RAB38: variants seen among roughly 807,000 people sequenced by gnomAD.
RAB38 encodes the protein RAB38, member RAS oncogene family.
A neutral mutation model predicts 18.4 loss-of-function variants in RAB38; 15 were observed. The observed-to-expected ratio is 0.82, with a 90% confidence interval of 0.55 to 1.26. The LOEUF (loss-of-function observed/expected upper bound fraction) is 1.26, where lower values mean the gene tolerates loss of function less well. RAB38 is among the 50% of genes most tolerant of loss of function. The pLI, the probability that RAB38 is intolerant of heterozygous loss-of-function variation, is 0.00. For missense variants in RAB38, 294 were observed against 267.4 expected (o/e 1.10, Z -0.69); for synonymous variants, 101 against 104.4 (o/e 0.97, Z 0.20).
At chr11:88,072,449 A>G in the RAB38 span, among the ~76,000 whole-genome samples, 1 of 152,226 alleles carries the variant, frequency 6.6e-6, no homozygotes, top group Non-Finnish European at 1.5e-5. Flanking sequence ...GATACTATCA[A>G]TGGTTTTATG....
At chr11:88,018,885 C>T in the RAB38 span, among the ~76,000 whole-genome samples, 1 of 152,096 alleles carries the variant, frequency 6.6e-6, no homozygotes, top group African/African-American at 2.4e-5. Flanking sequence ...GGAACCCCCA[C>T]AGATGAAGAA....
the RAB38 span, among the ~76,000 whole-genome samples, chr11:87,819,879 C>T: frequency 6.6e-6 from 1 of 151,162 alleles, no homozygotes; most frequent in East Asian, 1.9e-4. Flanking sequence ...AAGCTCTAAG[C>T]CTATTAAGGA....
the RAB38 span, among the ~76,000 whole-genome samples, chr11:87,843,921 G>T: frequency 6.6e-6 from 1 of 152,104 alleles, no homozygotes; most frequent in Non-Finnish European, 1.5e-5. Flanking sequence ...TGCACTCACT[G>T]CCTTTTAACT....
the RAB38 span, among the ~76,000 whole-genome samples, chr11:88,035,164 A>G: frequency 6.6e-6 from 1 of 152,178 alleles, no homozygotes; most frequent in African/African-American, 2.4e-5. Context: ...TATTTTTAAA[A>G]AAGTGGTATC....
At chr11:87,952,844 G>T in the RAB38 span, among the ~76,000 whole-genome samples, 2 of 152,132 alleles carry the variant, frequency 1.3e-5, no homozygotes, top group African/African-American at 4.8e-5. Flanking sequence ...TTTAGAAAAT[G>T]CAGATGTATA....
At chr11:88,060,044 C>T in the RAB38 span, among the ~76,000 whole-genome samples, 1 of 152,186 alleles carries the variant, frequency 6.6e-6, no homozygotes, top group Non-Finnish European at 1.5e-5. Context: ...AAGTGGAATC[C>T]ACATGTCTGT....
chr11:88,144,428 T>C (rs569515555), intron 2 of RAB38, among the ~76,000 whole-genome samples: 2 of 152,232 alleles, frequency 1.3e-5, no homozygotes, highest in Non-Finnish European at 2.9e-5. Flanking sequence ...GTGAGCTTCC[T>C]ACGGCTGGAA....
rs541098688 is a variant in RAB38 at position 88,174,985 on chromosome 11, T to C, written c.202+198A>G. ...ACTGTGCGGGAAGGAGCTAAAGCAA[T>C]AGCCCAAAAGCGCCAGGGAATGCAC... On this transcript the variant is annotated intron_variant, in intron 1 of 2. Transcript: ENST00000243662. Among the ~76,000 whole-genome samples, 63 of 152,342 alleles carry C rather than the reference T, an allele frequency of 4.1e-4. 1 individual carries two copies. The highest frequency in any genetic ancestry group is 1.5e-3 in the African/African-American group (63 of 41,588).
chr11:88,103,956 G>A, the RAB38 span, among the ~76,000 whole-genome samples: 1 of 152,220 alleles, frequency 6.6e-6, no homozygotes. Flanking sequence ...GTCAGTGAGG[G>A]TGGAAGACCT....
intron 1 of RAB38, among the ~76,000 whole-genome samples, chr11:88,169,770 A>G (rs1490211324): frequency 6.6e-6 from 1 of 152,180 alleles, no homozygotes; most frequent in Non-Finnish European, 1.5e-5. Flanking sequence ...TAGGAGAACG[A>G]GGTGTGGACA....
At chr11:87,903,384 A>C in the RAB38 span, among the ~76,000 whole-genome samples, 1 of 151,582 alleles carries the variant, frequency 6.6e-6, no homozygotes, top group South Asian at 2.1e-4. Context: ...TTTAGTAAGA[A>C]TCAAACTTTC....
chr11:87,933,969 C>T, the RAB38 span, among the ~76,000 whole-genome samples: 2 of 152,052 alleles, frequency 1.3e-5, no homozygotes, highest in African/African-American at 4.8e-5. Flanking sequence ...GGGGTTTCTA[C>T]CACGTCTGGG....
chr11:87,925,093 C>G, the RAB38 span, among the ~76,000 whole-genome samples: 2 of 152,022 alleles, frequency 1.3e-5, no homozygotes, highest in Non-Finnish European at 2.9e-5. Context: ...AAGCTCTTCT[C>G]TCTCACTGGC....
At chr11:88,165,299 C>G (rs1167972771) in intron 1 of RAB38, among the ~76,000 whole-genome samples, 1 of 152,052 alleles carries the variant, frequency 6.6e-6, no homozygotes, top group East Asian at 1.9e-4. Context: ...ATTGGTAAGA[C>G]TTCTGAAAAG....
intron 2 of RAB38, among the ~76,000 whole-genome samples, chr11:88,127,188 T>G (rs1376995639): frequency 6.6e-6 from 1 of 152,182 alleles, no homozygotes; most frequent in African/African-American, 2.4e-5. Flanking sequence ...TTCAAATTCT[T>G]TACATTAAAC....
chr11:87,904,491 A>G, the RAB38 span, among the ~76,000 whole-genome samples: 1 of 151,780 alleles, frequency 6.6e-6, no homozygotes, highest in East Asian at 1.9e-4. Context: ...CCAATACACC[A>G]CTGATGGGTG....
At chr11:88,130,115 G>A (rs1942748645) in intron 2 of RAB38, among the ~76,000 whole-genome samples, 1 of 152,108 alleles carries the variant, frequency 6.6e-6, no homozygotes, top group African/African-American at 2.4e-5. Context: ...CTCACAGATG[G>A]GAAACAGTCC....
the RAB38 span, among the ~76,000 whole-genome samples, chr11:88,054,028 TG>T: frequency 7.2e-5 from 11 of 152,198 alleles, no homozygotes; most frequent in African/African-American, 2.7e-4. Context: ...TCATTAAACC[TG>T]CCTTGATCTC....
chr11:88,030,755 G>C, the RAB38 span, among the ~76,000 whole-genome samples: 4 of 152,094 alleles, frequency 2.6e-5, no homozygotes, highest in Non-Finnish European at 4.4e-5. Flanking sequence ...CAACCAAAAA[G>C]AGTCCAGGAC....
Sources: gnomAD v4.1 joint callset for allele counts (sites outside exome capture counted in the v4.1 genomes callset) on GRCh38, gnomAD v4.1.1 for gene constraint, MANE v1.5 for transcripts, NCBI Gene and HGNC (gene_info 2026-07-23, HGNC 2026-07-21) for gene names.